Variants in ANKIB1 observed in about 807,000 individuals in gnomAD.
ANKIB1 encodes ankyrin repeat and IBR domain-containing protein 1.
Under a neutral mutation model 122.1 loss-of-function variants are expected in ANKIB1, and 43 were observed. That is an observed-to-expected ratio of 0.35 (90% CI 0.28 to 0.45). The LOEUF (loss-of-function observed/expected upper bound fraction) is 0.45, where lower values mean the gene tolerates loss of function less well. Ranked by LOEUF, ANKIB1 falls within the 20% of genes least tolerant of loss-of-function variation. ANKIB1 has a pLI of 1.00. For synonymous variants in ANKIB1, 390 were observed against 442.0 expected (o/e 0.88, Z 1.48); for missense variants, 992 against 1,329.5 (o/e 0.75, Z 3.95).
At chr7:92,247,156 G>A (rs1457900287) in intron 1 of ANKIB1, among the ~76,000 whole-genome samples, 3 of 152,132 alleles carry the variant, frequency 2.0e-5, no homozygotes, top group African/African-American at 7.2e-5. Context: ...CTATTCACAC[G>A]GAATGGCATA....
At chr7:92,363,557 A>T (rs1298516014) in intron 10 of ANKIB1, among the ~76,000 whole-genome samples, 2 of 152,266 alleles carry the variant, frequency 1.3e-5, no homozygotes, top group African/African-American at 4.8e-5. Context: ...AGATGAGAGT[A>T]CAGAAACAAT....
At chr7:92,394,731 C>T (rs911501945) in intron 17 of ANKIB1, among the ~76,000 whole-genome samples, 3 of 152,026 alleles carry the variant, frequency 2.0e-5, no homozygotes. Context: ...AGGTCATGGG[C>T]CTCTAGGAGA....
chr7:92,295,271 T>C (rs891059384), intron 2 of ANKIB1, 105 bp downstream of exon 2: 1 of 784,598 alleles, frequency 1.3e-6, no homozygotes, highest in Non-Finnish European at 1.8e-6. Context: ...TACGGACATA[T>C]ACAGACATGA....
At position 92,398,932 on chromosome 7, in the gene ANKIB1, C is replaced by A; in HGVS notation, c.3253C>A (p.Gln1085Lys). ...TPQTSSDWLE[Q>K]VHLV ...TCAAACCTCAAGTGACTGGCTTGAA[C>A]AAGTACATTTAGTGTGAACTGCACA... Residue 1085 changes from glutamine to lysine, a missense_variant, in exon 20 of 20, where the codon CAA becomes AAA. By Grantham distance (53) the Gln-to-Lys change is moderately conservative. This residue lies in a region of ANKIB1 where 384 missense variants were observed against 412.0 expected (regional missense o/e 0.93). Transcript: ENST00000265742. 6.3e-7 allele frequency: 1 copy of A among 1,582,274 alleles called. No individual in the cohort carries two copies. Among genetic ancestry groups the A allele is most frequent in the South Asian group, 1.2e-5 (1 of 84,338 alleles).
intron 1 of ANKIB1, among the ~76,000 whole-genome samples, chr7:92,252,538 C>G (rs1408812538): frequency 6.6e-6 from 1 of 151,958 alleles, no homozygotes; most frequent in Non-Finnish European, 1.5e-5. Flanking sequence ...AGGCACCCAC[C>G]ACCACTCCCA....
rs145526214 is a variant in ANKIB1 at position 92,311,998 on chromosome 7, G to T, written c.486+4342G>T. Among the ~76,000 whole-genome samples, 75 of 152,178 alleles carry T rather than the reference G, an allele frequency of 4.9e-4. 1 individual carries two copies. The East Asian group carries it at 8.1e-3, about 16-fold the overall frequency. ...GAGACTTCACTAGTGCTTGATTCTT[G>T]ACTCTAGATTCTATTAATGATGCTA... On this transcript the variant is annotated intron_variant, in intron 3 of 19. Coordinates refer to ENST00000265742, the MANE Select transcript of ANKIB1 (RefSeq NM_019004.2).
chr7:92,261,052 A>T (rs958168513), intron 1 of ANKIB1, among the ~76,000 whole-genome samples: 1 of 152,092 alleles, frequency 6.6e-6, no homozygotes, highest in Admixed American at 6.5e-5. Context: ...TTGGATTTGA[A>T]ATTACTATGT....
intron 5 of ANKIB1, among the ~76,000 whole-genome samples, chr7:92,336,291 T>A (rs552082514): frequency 1.3e-5 from 2 of 152,226 alleles, no homozygotes; most frequent in East Asian, 3.9e-4. Context: ...TTTTTTTTTT[T>A]AGAATTGTTT....
In ANKIB1 at chr7:92,378,619, CA is replaced by C. The variant is rs1198590896; in HGVS notation, c.1617+7013del. On this transcript the variant is annotated intron_variant, in intron 11 of 19. Transcript: ENST00000265742. ...TTAATGAGGAAACTAGAGTCACTCCCACTAAATTCAAGAACAAGATGAAGAT... is the reference window on the plus strand; with the variant it reads ...TTAATGAGGAAACTAGAGTCACTCCCCTAAATTCAAGAACAAGATGAAGAT... Among the ~76,000 whole-genome samples the C allele has an allele frequency of 4.6e-5, 7 of 152,166 alleles. No homozygotes were observed. The East Asian group carries it at 1.2e-3, about 25-fold the overall frequency.
chr7:92,350,655 C>T (rs374436469), intron 7 of ANKIB1, among the ~76,000 whole-genome samples: 1 of 152,146 alleles, frequency 6.6e-6, no homozygotes, highest in South Asian at 2.1e-4. Flanking sequence ...ACCAGGGGTT[C>T]GAGATCAGTC....
chr7:92,328,985 T>G (rs953480667), intron 5 of ANKIB1, among the ~76,000 whole-genome samples: 114 of 148,694 alleles, frequency 7.7e-4, no homozygotes, highest in Middle Eastern at 7.1e-3. Context: ...TTTTTTTTTT[T>G]GGGACAGAGT....
rs540025625 is a variant in ANKIB1, at chr7:92,394,806, T to C, written c.2284-1559T>C. 2.0e-5 allele frequency among the ~76,000 whole-genome samples: 3 copies of C among 152,260 alleles called. No homozygotes were observed. The South Asian group carries it at 6.2e-4, about 32-fold the overall frequency. On this transcript the variant is annotated intron_variant, in intron 17 of 19. Transcript: ENST00000265742. ...AACCAGTATAAACCCTCAGGGCACTTGGAGTATCTTTCATTTATTAGTTTC... is the reference window on the plus strand; with the variant it reads ...AACCAGTATAAACCCTCAGGGCACTCGGAGTATCTTTCATTTATTAGTTTC...
chr7:92,305,076 C>T (rs935012354), intron 2 of ANKIB1, among the ~76,000 whole-genome samples: 21 of 152,246 alleles, frequency 1.4e-4, no homozygotes, highest in Middle Eastern at 3.4e-3. Flanking sequence ...TATTATTAAA[C>T]GCTTAAGTGA....
At chr7:92,330,512 A>G (rs1803147327) in intron 5 of ANKIB1, among the ~76,000 whole-genome samples, 1 of 152,114 alleles carries the variant, frequency 6.6e-6, no homozygotes, top group Non-Finnish European at 1.5e-5. Flanking sequence ...CCTGAGTAAA[A>G]AAATTAAATT....
chr7:92,321,467 G>A (rs1031893874), intron 4 of ANKIB1, among the ~76,000 whole-genome samples: 3 of 151,920 alleles, frequency 2.0e-5, no homozygotes, highest in Admixed American at 6.6e-5. Flanking sequence ...TCTCCTATTA[G>A]ACTGTCAATT....
intron 2 of ANKIB1, among the ~76,000 whole-genome samples, chr7:92,305,131 T>G (rs1476075112): frequency 6.6e-6 from 1 of 152,222 alleles, no homozygotes; most frequent in Non-Finnish European, 1.5e-5. Flanking sequence ...TGATTTTCAT[T>G]GTTTCTATAG....
chr7:92,320,777 A>G (rs1408118916), intron 4 of ANKIB1, among the ~76,000 whole-genome samples: 1 of 152,166 alleles, frequency 6.6e-6, no homozygotes, highest in African/African-American at 2.4e-5. Context: ...TTTAGAATCC[A>G]TATTGTACAC....
chr7:92,287,757 C>T (rs571201386), intron 1 of ANKIB1, among the ~76,000 whole-genome samples: 1 of 152,060 alleles, frequency 6.6e-6, no homozygotes, highest in South Asian at 2.1e-4. Context: ...AAAAAAAGGC[C>T]AGGCGTGGTG....
intron 16 of ANKIB1, among the ~76,000 whole-genome samples, chr7:92,391,723 A>G (rs1804788673): frequency 6.6e-6 from 1 of 152,102 alleles, no homozygotes; most frequent in South Asian, 2.1e-4. Context: ...TGTTATGGTC[A>G]TATTTGTATT....
Sources: allele counts gnomAD v4.1 joint callset (sites outside exome capture counted in the v4.1 genomes callset), GRCh38; gene constraint gnomAD v4.1.1; regional missense constraint gnomAD v4.1.1; transcripts MANE v1.5; gene names NCBI Gene and HGNC (gene_info 2026-07-23, HGNC 2026-07-21).